NUP54: variants seen among roughly 807,000 people sequenced by gnomAD.
The protein encoded by NUP54 is nucleoporin p54.
NUP54 carries 27 observed loss-of-function variants against 66.4 expected under a neutral mutation model. That is an observed-to-expected ratio of 0.41 (90% CI 0.30 to 0.56). The LOEUF (loss-of-function observed/expected upper bound fraction) is 0.56. Among genes scored for constraint, NUP54 ranks in the 20% least tolerant of loss-of-function variants. NUP54 has a pLI of 0.34. For missense variants in NUP54, 486 were observed against 596.3 expected (o/e 0.82, Z 1.93); for synonymous variants, 206 against 210.7 (o/e 0.98, Z 0.19).
intron 8 of NUP54, among the ~76,000 whole-genome samples, chr4:76,129,375 G>A (rs912015962): frequency 6.6e-6 from 1 of 152,088 alleles, no homozygotes; most frequent in Non-Finnish European, 1.5e-5. Flanking sequence ...ACTGAGAAAT[G>A]AAAGGAGAAA....
chr4:76,118,609 C>G (rs2109852314), intron 9 of NUP54, among the ~76,000 whole-genome samples: 1 of 146,578 alleles, frequency 6.8e-6, no homozygotes, highest in South Asian at 2.2e-4. Context: ...CCAGGCTGGT[C>G]TTGAACTCCT....
chr4:76,125,561 G>A (rs13152354), intron 8 of NUP54, among the ~76,000 whole-genome samples: 1 of 139,332 alleles, frequency 7.2e-6, no homozygotes, highest in African/African-American at 2.7e-5. Flanking sequence ...CTTGAGCCCA[G>A]GAGTTTGAGG....
chr4:76,147,570 A>G, intron 1 of NUP54: 1 of 1,289,760 alleles, frequency 7.8e-7, no homozygotes, highest in Non-Finnish European at 1.0e-6. Flanking sequence ...CTGCAGGATT[A>G]GCAGTTAATC....
At chr4:76,129,405 T>G (rs1730680866) in intron 8 of NUP54, among the ~76,000 whole-genome samples, 1 of 152,192 alleles carries the variant, frequency 6.6e-6, no homozygotes, top group African/African-American at 2.4e-5. Context: ...CCGTAAGTGT[T>G]GCTGTAGATT....
intron 5 of NUP54, among the ~76,000 whole-genome samples, chr4:76,133,460 C>T (rs1054982777): frequency 2.0e-5 from 3 of 152,020 alleles, no homozygotes; most frequent in African/African-American, 7.2e-5. Flanking sequence ...CACCTGCCAC[C>T]ACGCCCGGCT....
chr4:76,134,876 A>T (rs1730966414), intron 4 of NUP54, among the ~76,000 whole-genome samples: 1 of 152,076 alleles, frequency 6.6e-6, no homozygotes, highest in Non-Finnish European at 1.5e-5. Context: ...ACTTGATGTT[A>T]GATTATTCTG....
At chr4:76,119,402 AGAC>A (rs1730126407) in intron 9 of NUP54, among the ~76,000 whole-genome samples, 1 of 152,018 alleles carries the variant, frequency 6.6e-6, no homozygotes, top group Admixed American at 6.6e-5. Flanking sequence ...TGTTTTTCTG[AGAC>A]GACCTTGCTT....
chr4:76,143,091 T>C (rs1339772377), intron 3 of NUP54, among the ~76,000 whole-genome samples: 2 of 151,604 alleles, frequency 1.3e-5, no homozygotes, highest in African/African-American at 2.4e-5. Context: ...AAAAAAAAGA[T>C]ATTATATGTC....
chr4:76,139,390 C>T (rs1412777476), intron 3 of NUP54, among the ~76,000 whole-genome samples: 1 of 151,858 alleles, frequency 6.6e-6, no homozygotes, highest in African/African-American at 2.4e-5. Context: ...ACGTCAAGTC[C>T]CTAAAGCAAA....
chr4:76,117,674 T>C lies in NUP54; in HGVS notation c.1385A>G (p.Glu462Gly). 6.2e-7 allele frequency: 1 copy of C among 1,607,964 alleles called. No homozygotes were observed. Among genetic ancestry groups the C allele is most frequent in the Non-Finnish European group, 8.5e-7 (1 of 1,174,618 alleles). ...RYYIDADLLR[E>G]IKQHLKQQQE... Reference sequence around the variant, plus strand: ...TCATGCAACACTTACCTGCTTGATTTCTCGTAACAGATCTGCATCTATGTA... The same window carrying C: ...TCATGCAACACTTACCTGCTTGATTCCTCGTAACAGATCTGCATCTATGTA... Residue 462 changes from glutamate to glycine, a missense_variant, in exon 11 of 12, where the codon GAA (glutamate) becomes GGA (glycine). Transcript: ENST00000264883.
In NUP54 at chr4:76,132,564, G is replaced by C. The variant is rs1283463959; in HGVS notation, c.866C>G (p.Ser289Cys). ...VTLSMTRTEL[S>C]PAQIKQLLQN... ...TAAAAGCTGTTTGATCTGTGCAGGA[G>C]AAAGTTCTGTTCTAGTCATAGAAAG... The change falls in exon 6 of 12, where the codon TCT becomes TGT. Residue 289 changes from serine (S) to cysteine (C), a missense_variant. Coordinates refer to ENST00000264883, the MANE Select transcript of NUP54 (RefSeq NM_017426.4). 1 of 1,613,824 alleles carries C rather than the reference G, an allele frequency of 6.2e-7. No homozygotes were observed. Among genetic ancestry groups the C allele is most frequent in the Non-Finnish European group, 8.5e-7 (1 of 1,179,960 alleles).
chr4:76,148,254 G>A (rs1200383722), intron 1 of NUP54, 54 bp downstream of exon 1: 2 of 1,189,110 alleles, frequency 1.7e-6, no homozygotes, highest in African/African-American at 1.6e-5. Flanking sequence ...GACAGAGGGG[G>A]CGGACCAGAC....
Position 76,144,266 on chromosome 4 carries a change from C to G in NUP54, c.178G>C (p.Gly60Arg). ...TGLFGGTQNK[G>R]FGFGTGFGTT... ...CCAAAACCAGTACCAAATCCAAAAC[C>G]TTTGTTCTGAGTACCACCAAAGAGT... The change falls in exon 3 of 12, where the codon GGT becomes CGT. Residue 60 changes from glycine to arginine, a missense_variant. Physicochemically the swap from Gly to Arg is moderately radical, Grantham distance 125 (BLOSUM62 -2). Transcript: ENST00000264883. The G allele has an allele frequency of 6.2e-7, 1 of 1,613,740 alleles. No individual in the cohort carries two copies. The highest frequency in any genetic ancestry group is 8.5e-7 in the Non-Finnish European group (1 of 1,179,950).
rs982944491 is a variant in NUP54, at chr4:76,114,734, CAA to C, written c.*630_*631del. 1.2e-4 allele frequency: 18 copies of C among 150,112 alleles called. No homozygotes were observed. The highest frequency in any genetic ancestry group is 4.1e-4 in the African/African-American group (17 of 41,178). 9.3% of individuals were successfully genotyped at this position (150,112 alleles called of 1,614,324 possible). ...TTTAGAAATAAAAAGGCTTAAAAAA[CAA>C]AATGGTTGCAAAAATGGTTAAGTAG... On this transcript the variant is annotated 3_prime_UTR_variant, in exon 12 of 12. Transcript: ENST00000264883.
chr4:76,138,244 G>C (rs1553944253), intron 3 of NUP54, among the ~76,000 whole-genome samples: 3 of 152,062 alleles, frequency 2.0e-5, no homozygotes, highest in Non-Finnish European at 4.4e-5. Flanking sequence ...AGAAATTCCT[G>C]GGCTTTATCT....
At chr4:76,132,861 T>C (rs1730867639) in intron 5 of NUP54, 142 bp from the exon 6 acceptor site, 2 of 152,570 alleles carry the variant, frequency 1.3e-5, no homozygotes, top group Non-Finnish European at 2.6e-5. Flanking sequence ...AAATGTTTCC[T>C]TTTTTTTTTT....
At chr4:76,133,977 T>A (rs1244355388) in intron 5 of NUP54, among the ~76,000 whole-genome samples, 198 bp downstream of exon 5, 1 of 152,290 alleles carries the variant, frequency 6.6e-6, no homozygotes, top group South Asian at 2.1e-4. Context: ...ATTATTAGCA[T>A]CTAGTAAGTT....
intron 6 of NUP54, chr4:76,132,302 CA>C (rs1730836530): frequency 3.1e-6 from 1 of 321,666 alleles, no homozygotes. Context: ...TTCTTCAGTT[CA>C]CTATTTCTCA....
At chr4:76,142,716 C>A (rs1408302372) in intron 3 of NUP54, among the ~76,000 whole-genome samples, 2 of 152,160 alleles carry the variant, frequency 1.3e-5, no homozygotes, top group Non-Finnish European at 2.9e-5. Flanking sequence ...GACTAATAAC[C>A]AGACTGTCTC....
Sources: gnomAD v4.1 joint callset for allele counts (sites outside exome capture counted in the v4.1 genomes callset) on GRCh38, gnomAD v4.1.1 for gene constraint, MANE v1.5 for transcripts, NCBI Gene and HGNC (gene_info 2026-07-23, HGNC 2026-07-21) for gene names.